DAB1: variants seen among roughly 807,000 people sequenced by gnomAD.
The protein encoded by DAB1 is disabled homolog 1.
In DAB1, 15 loss-of-function variants were observed where a neutral mutation model predicts 64.6. That is an observed-to-expected ratio of 0.23 (90% CI 0.16 to 0.36). The LOEUF is 0.36. Among genes scored for constraint, DAB1 ranks in the 10% least tolerant of loss-of-function variants. DAB1 has a pLI of 1.00. For synonymous variants in DAB1, 235 were observed against 251.9 expected (o/e 0.93, Z 0.64); for missense variants, 596 against 706.7 (o/e 0.84, Z 1.78).
In DAB1 at chr1:57,455,890, C is replaced by T. The variant is rs76433590; in HGVS notation, n.626-164724G>A. On this transcript the variant is annotated intron_variant and non_coding_transcript_variant, in intron 7 of 20. Coordinates refer to the DAB1 transcript ENST00000485760. ...GTCATTTCTAGTCAGGGATTTCTTG[C>T]GGAACATTGCTGTTGGATGATGGTC... 9.8e-3 allele frequency among the ~76,000 whole-genome samples: 1,487 copies of T among 152,198 alleles called. 33 individuals carry two copies. The highest frequency in any genetic ancestry group is 0.033 in the African/African-American group (1,370 of 41,518).
intron 5 of DAB1, among the ~76,000 whole-genome samples, chr1:58,042,586 G>C (rs1051035932): frequency 1.3e-5 from 2 of 152,190 alleles, no homozygotes; most frequent in African/African-American, 4.8e-5. Flanking sequence ...GAAAAGGAGG[G>C]AGATGGGGGC....
intron 5 of DAB1, among the ~76,000 whole-genome samples, chr1:58,130,560 CTTTACA>C (rs1653478072): frequency 1.3e-5 from 2 of 152,054 alleles, no homozygotes; most frequent in Admixed American, 1.3e-4. Context: ...TCTTGATGGT[CTTTACA>C]TTTTGGCATG....
chr1:58,508,568 A>G (rs535509023), intron 2 of DAB1, among the ~76,000 whole-genome samples: 1 of 152,278 alleles, frequency 6.6e-6, no homozygotes, highest in South Asian at 2.1e-4. Context: ...TATGATCATA[A>G]GAACACCTGC....
chr1:58,262,792 T>C (rs1243605647), intron 4 of DAB1, among the ~76,000 whole-genome samples: 3 of 152,186 alleles, frequency 2.0e-5, no homozygotes, highest in African/African-American at 7.2e-5. Flanking sequence ...CAATAAAATA[T>C]AGACAGAAGT....
chr1:57,394,649 G>A (rs1396343243), intron 1 of DAB1, among the ~76,000 whole-genome samples: 1 of 152,136 alleles, frequency 6.6e-6, no homozygotes, highest in East Asian at 1.9e-4. Context: ...AACAGTTTCT[G>A]GGAACACAAT....
At chr1:57,154,577 A>T (rs1660032501) in intron 2 of DAB1, among the ~76,000 whole-genome samples, 1 of 152,172 alleles carries the variant, frequency 6.6e-6, no homozygotes, top group South Asian at 2.1e-4. Flanking sequence ...GGATTGCTAG[A>T]TCATATTGTA....
intron 1 of DAB1, among the ~76,000 whole-genome samples, chr1:57,343,029 T>C (rs542637981): frequency 1.2e-5 from 1 of 80,608 alleles, no homozygotes; most frequent in Admixed American, 1.1e-4. Flanking sequence ...CCTGCTTTTA[T>C]TGTCTTATCT....
intron 2 of DAB1, among the ~76,000 whole-genome samples, chr1:57,158,394 T>G (rs1032169927): frequency 6.6e-6 from 1 of 152,196 alleles, no homozygotes; most frequent in Non-Finnish European, 1.5e-5. Flanking sequence ...GATCACCTTG[T>G]AAATTATTAA....
At chr1:57,121,676 G>T (rs980390213) in intron 4 of DAB1, among the ~76,000 whole-genome samples, 1 of 152,022 alleles carries the variant, frequency 6.6e-6, no homozygotes, top group Non-Finnish European at 1.5e-5. Context: ...TTCTTCTAGG[G>T]TTTTTACGGT....
At chr1:57,740,044 T>TAAAAAAAAAAA (rs1647904718) in intron 6 of DAB1, among the ~76,000 whole-genome samples, 1 of 35,074 alleles carries the variant, frequency 2.9e-5, no homozygotes, top group South Asian at 8.4e-4. Context: ...CTACTACTAC[T>TAAAAAAAAAAA]ACAAAAAAAA....
intron 4 of DAB1, among the ~76,000 whole-genome samples, chr1:58,333,551 CT>C (rs1663026320): frequency 1.3e-5 from 2 of 152,238 alleles, no homozygotes; most frequent in Admixed American, 1.3e-4. Context: ...CACACGCACA[CT>C]TTTAACTCCT....
At chr1:58,121,339 C>T (rs896416726) in intron 5 of DAB1, among the ~76,000 whole-genome samples, 1 of 152,058 alleles carries the variant, frequency 6.6e-6, no homozygotes, top group African/African-American at 2.4e-5. Context: ...CTTTTCAGAC[C>T]TCATTTCCTA....
intron 1 of DAB1, among the ~76,000 whole-genome samples, chr1:57,401,681 T>A (rs928884554): frequency 1.3e-5 from 2 of 152,204 alleles, no homozygotes; most frequent in African/African-American, 4.8e-5. Context: ...CAATTGAGAA[T>A]ATGTAGGTCC....
At chr1:58,457,670 T>C (rs763247600) in intron 3 of DAB1, among the ~76,000 whole-genome samples, 1 of 152,206 alleles carries the variant, frequency 6.6e-6, no homozygotes, top group Non-Finnish European at 1.5e-5. Context: ...AAACCGTCTC[T>C]GTTACAGACA....
chr1:57,567,981 C>A (rs1179877376), intron 7 of DAB1, among the ~76,000 whole-genome samples: 2 of 152,110 alleles, frequency 1.3e-5, no homozygotes, highest in Non-Finnish European at 1.5e-5. Context: ...AATCCTAAGC[C>A]AAAAGAACAA....
At chr1:57,734,541 T>C (rs1647592760) in intron 6 of DAB1, among the ~76,000 whole-genome samples, 1 of 152,234 alleles carries the variant, frequency 6.6e-6, no homozygotes, top group South Asian at 2.1e-4. Flanking sequence ...ATCTTGAAAC[T>C]GAAGCATCTA....
chr1:58,487,652 T>A (rs1030750043), intron 3 of DAB1, among the ~76,000 whole-genome samples: 9 of 152,204 alleles, frequency 5.9e-5, no homozygotes, highest in African/African-American at 1.9e-4. Context: ...AATAGTTTTT[T>A]AAATTTGATT....
intron 9 of DAB1, among the ~76,000 whole-genome samples, chr1:57,059,700 A>G (rs1236262816): frequency 6.6e-6 from 1 of 151,940 alleles, no homozygotes; most frequent in Non-Finnish European, 1.5e-5. Flanking sequence ...CAACTTTCCA[A>G]TACATAAACT....
chr1:57,718,335 C>G (rs1031919786), intron 6 of DAB1, among the ~76,000 whole-genome samples: 1 of 152,002 alleles, frequency 6.6e-6, no homozygotes, highest in Non-Finnish European at 1.5e-5. Flanking sequence ...AGGAAATAGT[C>G]TAGGATGGTG....
Sources: allele counts gnomAD v4.1 joint callset (sites outside exome capture counted in the v4.1 genomes callset), GRCh38; gene constraint gnomAD v4.1.1; transcripts MANE v1.5; gene names NCBI Gene and HGNC (gene_info 2026-07-23, HGNC 2026-07-21).